The following CREB5 variants were observed in gnomAD, a reference collection of about 807,000 sequenced individuals.
CREB5 encodes cAMP responsive element binding protein 5.
In CREB5, 19 loss-of-function variants were observed where a neutral mutation model predicts 57.1. The ratio of observed to expected loss-of-function variants is 0.33; its 90% CI spans 0.23 to 0.49. The LOEUF (loss-of-function observed/expected upper bound fraction) is 0.49, where lower values mean the gene tolerates loss of function less well. Among genes scored for constraint, CREB5 ranks in the 20% least tolerant of loss-of-function variants. The pLI, the probability that CREB5 is intolerant of heterozygous loss-of-function variation, is 0.99. For missense variants in CREB5, 579 were observed against 671.6 expected (o/e 0.86, Z 1.52); for synonymous variants, 238 against 238.3 (o/e 1.00, Z 0.01).
intron 4 of CREB5, 32 bp from the exon 5 acceptor site, chr7:28,570,333 C>G: frequency 6.3e-7 from 1 of 1,593,624 alleles, no homozygotes; most frequent in Non-Finnish European, 8.6e-7. Context: ...ATTGACTCCT[C>G]CTGACCTTTC....
chr7:28,484,698 A>G (rs1225845078), intron 1 of CREB5, among the ~76,000 whole-genome samples: 2 of 152,236 alleles, frequency 1.3e-5, no homozygotes, highest in African/African-American at 2.4e-5. Context: ...TGTAAAATAA[A>G]ATAGTAACAT....
At chr7:28,334,159 T>C (rs1412311400) in intron 1 of CREB5, among the ~76,000 whole-genome samples, 1 of 152,154 alleles carries the variant, frequency 6.6e-6, no homozygotes, top group Non-Finnish European at 1.5e-5. Flanking sequence ...GCAGCTTTTT[T>C]TGTTTGATTG....
At chr7:28,452,176 A>G (rs978479453) in intron 1 of CREB5, among the ~76,000 whole-genome samples, 3 of 152,154 alleles carry the variant, frequency 2.0e-5, no homozygotes, top group African/African-American at 4.8e-5. Flanking sequence ...GTTTCTCCAT[A>G]TCATGCCTTC....
At chr7:28,335,779 T>C (rs1213475861) in intron 1 of CREB5, among the ~76,000 whole-genome samples, 1 of 152,170 alleles carries the variant, frequency 6.6e-6, no homozygotes, top group Non-Finnish European at 1.5e-5. Context: ...TGTCATTTTC[T>C]AGATCTTGGA....
intron 9 of CREB5, among the ~76,000 whole-genome samples, chr7:28,811,273 T>C (rs1376213767): frequency 6.6e-6 from 1 of 152,256 alleles, no homozygotes; most frequent in African/African-American, 2.4e-5. Flanking sequence ...TTGGCAAGGA[T>C]GTGATTGCAG....
chr7:28,783,328 CTTATATTAGAT>C (rs1014213298), intron 7 of CREB5, among the ~76,000 whole-genome samples: 3 of 152,142 alleles, frequency 2.0e-5, no homozygotes, highest in African/African-American at 7.2e-5. Flanking sequence ...TTATCATATT[CTTATATTAGAT>C]TCATTTCTCA....
At chr7:28,808,712 CTTTTTTTTTTT>C (rs59374546) in intron 8 of CREB5, among the ~76,000 whole-genome samples, 3 of 83,170 alleles carry the variant, frequency 3.6e-5, no homozygotes, top group Non-Finnish European at 6.3e-5. Flanking sequence ...CCAATTTTTC[CTTTTTTTTTTT>C]TTTTTTTTTT....
intron 4 of CREB5, among the ~76,000 whole-genome samples, chr7:28,520,153 C>G (rs1442702876): frequency 6.6e-6 from 1 of 152,190 alleles, no homozygotes; most frequent in African/African-American, 2.4e-5. Context: ...GGCTTTTCAT[C>G]AAAGGCTAAG....
intron 1 of CREB5, among the ~76,000 whole-genome samples, chr7:28,339,770 G>A (rs1368650201): frequency 2.0e-5 from 3 of 152,180 alleles, no homozygotes; most frequent in African/African-American, 4.8e-5. Context: ...ATGTCTGGGA[G>A]TCAGGAACTG....
At chr7:28,302,783 A>G (rs1271074792) in intron 1 of CREB5, among the ~76,000 whole-genome samples, 3 of 152,176 alleles carry the variant, frequency 2.0e-5, no homozygotes, top group African/African-American at 7.2e-5. Flanking sequence ...GTGGAAAATT[A>G]CTTTAGGAGA....
At chr7:28,669,113 A>C (rs528234596) in intron 5 of CREB5, among the ~76,000 whole-genome samples, 14 of 152,222 alleles carry the variant, frequency 9.2e-5, no homozygotes, top group Admixed American at 2.6e-4. Context: ...TAGAAACTGC[A>C]GAACTATGAG....
chr7:28,817,306 G>T (rs1005515299), intron 9 of CREB5, among the ~76,000 whole-genome samples: 3 of 152,136 alleles, frequency 2.0e-5, no homozygotes, highest in African/African-American at 7.2e-5. Context: ...CATACCTCCT[G>T]CTCAGTGGGC....
intron 7 of CREB5, among the ~76,000 whole-genome samples, chr7:28,774,585 C>T (rs766645311): frequency 2.9e-4 from 44 of 152,146 alleles, no homozygotes; most frequent in Admixed American, 8.5e-4. Flanking sequence ...AATTGCCAAC[C>T]CTTCGACTCT....
chr7:28,336,455 T>C (rs1785823785), intron 1 of CREB5, among the ~76,000 whole-genome samples: 1 of 152,114 alleles, frequency 6.6e-6, no homozygotes, highest in Admixed American at 6.5e-5. Context: ...TTTATCCATT[T>C]CTTCTAGGTT....
rs1388491335 is a variant in CREB5 at position 28,560,881 on chromosome 7, T to TGCGCGCGCGTGCGCGTGCGTGC, written c.292-9481_292-9480insCGCGCGTGCGCGTGCGTGCGCG. Among the ~76,000 whole-genome samples, 5 of 46,206 alleles carry TGCGCGCGCGTGCGCGTGCGTGC rather than the reference T, an allele frequency of 1.1e-4. 1 individual carries two copies. The highest frequency in any genetic ancestry group is 2.0e-4 in the Non-Finnish European group (5 of 24,654). The allele number at this position is 46,206 out of a possible 152,430, so 30.3% of individuals were successfully genotyped here. A position where few individuals can be genotyped will look rare whatever the true frequency, so the allele number is the denominator to read the frequency against. On this transcript the variant is annotated intron_variant, in intron 4 of 10. Coordinates refer to ENST00000357727, the MANE Select transcript of CREB5 (RefSeq NM_182898.4). ...GTGCGTGTGCCTGCGTGCGCGTGCG[T>TGCGCGCGCGTGCGCGTGCGTGC]GCGTGCGTGTGTGTGCGTGCGCGCG...
chr7:28,743,740 G>A (rs1242418124), intron 7 of CREB5, among the ~76,000 whole-genome samples: 1 of 149,896 alleles, frequency 6.7e-6, no homozygotes, highest in Admixed American at 6.7e-5. Context: ...GGAAGAATCT[G>A]TTTCAGGCCT....
intron 1 of CREB5, among the ~76,000 whole-genome samples, chr7:28,323,035 A>G (rs983115179): frequency 2.0e-5 from 3 of 152,150 alleles, no homozygotes; most frequent in Non-Finnish European, 4.4e-5. Flanking sequence ...ATTGACCACC[A>G]ACAAATCATT....
chr7:28,386,528 T>C (rs1196810338), intron 1 of CREB5, among the ~76,000 whole-genome samples: 2 of 152,190 alleles, frequency 1.3e-5, no homozygotes, highest in Non-Finnish European at 2.9e-5. Flanking sequence ...TTTATACTCC[T>C]CAGGACTTGT....
At chr7:28,803,046 A>G (rs917468877) in intron 7 of CREB5, among the ~76,000 whole-genome samples, 4 of 152,246 alleles carry the variant, frequency 2.6e-5, no homozygotes, top group African/African-American at 9.6e-5. Flanking sequence ...AATACTGACT[A>G]TCTGACTCTT....
Sources: gnomAD v4.1 joint callset for allele counts (sites outside exome capture counted in the v4.1 genomes callset) on GRCh38, gnomAD v4.1.1 for gene constraint, MANE v1.5 for transcripts, NCBI Gene and HGNC (gene_info 2026-07-23, HGNC 2026-07-21) for gene names.